Variants in PCSK2 observed in about 807,000 individuals in gnomAD.
PCSK2 encodes proprotein convertase subtilisin/kexin type 2.
PCSK2 carries 14 observed loss-of-function variants against 69.7 expected under a neutral mutation model. The ratio of observed to expected loss-of-function variants is 0.20; its 90% CI spans 0.13 to 0.31. PCSK2 has a LOEUF of 0.31. Ranked by LOEUF, PCSK2 falls within the 10% of genes least tolerant of loss-of-function variation. The pLI is 1.00. For missense variants in PCSK2, 544 were observed against 842.5 expected (o/e 0.65, Z 4.39); for synonymous variants, 307 against 320.7 (o/e 0.96, Z 0.46).
chr20:17,273,080 T>C (rs1265917576), intron 2 of PCSK2, among the ~76,000 whole-genome samples: 1 of 152,156 alleles, frequency 6.6e-6, no homozygotes, highest in Non-Finnish European at 1.5e-5. Context: ...TAATTGTTAA[T>C]TTCAAGGGTG....
chr20:17,440,225 G>A (rs767531794), intron 8 of PCSK2, among the ~76,000 whole-genome samples: 3 of 152,328 alleles, frequency 2.0e-5, no homozygotes, highest in Non-Finnish European at 2.9e-5. Context: ...CCACCTGGGA[G>A]AGTGAAAAAT....
chr20:17,287,355 C>T (rs1057465544), intron 2 of PCSK2, among the ~76,000 whole-genome samples: 1 of 151,754 alleles, frequency 6.6e-6, no homozygotes, highest in African/African-American at 2.4e-5. Context: ...GAGGAAAGCA[C>T]CGTGAAAAAT....
At chr20:17,458,712 TC>T (rs1568658964) in intron 10 of PCSK2, among the ~76,000 whole-genome samples, 1 of 152,032 alleles carries the variant, frequency 6.6e-6, no homozygotes, top group Admixed American at 6.5e-5. Context: ...GAACAACACT[TC>T]CCCCATCATG....
intron 5 of PCSK2, among the ~76,000 whole-genome samples, chr20:17,381,021 C>T (rs2031072614): frequency 6.6e-6 from 1 of 152,182 alleles, no homozygotes; most frequent in Admixed American, 6.5e-5. Flanking sequence ...GGTTGGCTCC[C>T]AGGAATCCTG....
At chr20:17,478,227 G>GT (rs911521889) in intron 11 of PCSK2, among the ~76,000 whole-genome samples, 10 of 151,788 alleles carry the variant, frequency 6.6e-5, no homozygotes, top group East Asian at 3.9e-4. Flanking sequence ...TAAAACAACT[G>GT]TTTTTTTTCC....
At chr20:17,260,779 C>G (rs1360198558) in intron 2 of PCSK2, among the ~76,000 whole-genome samples, 4 of 152,180 alleles carry the variant, frequency 2.6e-5, no homozygotes, top group African/African-American at 4.8e-5. Flanking sequence ...GAGAGCCAGT[C>G]AGTGAGCAGC....
chr20:17,320,202 C>T (rs1190014747), intron 2 of PCSK2, among the ~76,000 whole-genome samples: 1 of 152,194 alleles, frequency 6.6e-6, no homozygotes, highest in East Asian at 1.9e-4. Flanking sequence ...AACTGTCCTA[C>T]TGCAAAAGGT....
intron 2 of PCSK2, among the ~76,000 whole-genome samples, chr20:17,318,454 A>G (rs1989757584): frequency 2.0e-5 from 3 of 152,252 alleles, no homozygotes; most frequent in African/African-American, 7.2e-5. Context: ...ATCATTTCAT[A>G]TAGATGAAAA....
At chr20:17,328,565 G>A (rs1281949749) in intron 2 of PCSK2, among the ~76,000 whole-genome samples, 2 of 151,984 alleles carry the variant, frequency 1.3e-5, no homozygotes, top group Admixed American at 6.6e-5. Flanking sequence ...ATTACCTGCA[G>A]CTTTAAATGA....
At chr20:17,439,062 T>C (rs1386795591) in intron 8 of PCSK2, among the ~76,000 whole-genome samples, 1 of 152,180 alleles carries the variant, frequency 6.6e-6, no homozygotes, top group Non-Finnish European at 1.5e-5. Context: ...TTTCCCTTTT[T>C]CCTTTGGCTG....
chr20:17,285,296 T>A (rs1405371131), intron 2 of PCSK2, among the ~76,000 whole-genome samples: 1 of 152,222 alleles, frequency 6.6e-6, no homozygotes, highest in African/African-American at 2.4e-5. Flanking sequence ...AACTGATTAG[T>A]TAACATCAAG....
intron 2 of PCSK2, among the ~76,000 whole-genome samples, chr20:17,284,515 A>G (rs2123052718): frequency 6.6e-6 from 1 of 152,338 alleles, no homozygotes; most frequent in South Asian, 2.1e-4. Flanking sequence ...AATTACAACA[A>G]ATTTAGTTTA....
rs528978901 is a variant in PCSK2 at position 17,353,326 on chromosome 20, G to A, written c.283-5001G>A. On this transcript the variant is annotated intron_variant, in intron 2 of 11. Transcript: ENST00000262545. The stretch of plus-strand genomic sequence containing the variant: ...AAATACAAAAAAAAATTAGCTGGGC[G>A]TGGTGGCACACGCCTATAGTCCCAG... 1.6e-3 allele frequency among the ~76,000 whole-genome samples: 246 copies of A among 152,138 alleles called. 4 individuals carry two copies. The highest frequency in any genetic ancestry group is 2.4e-4 in the Non-Finnish European group (16 of 67,992).
intron 9 of PCSK2, among the ~76,000 whole-genome samples, chr20:17,455,992 T>A (rs1271546483): frequency 6.6e-6 from 1 of 152,156 alleles, no homozygotes; most frequent in Admixed American, 6.5e-5. Flanking sequence ...ATGCCTGTAA[T>A]CCTTTGGAAG....
In PCSK2 at chr20:17,239,002, C is replaced by G. The variant is rs1609654; in HGVS notation, c.177+11520C>G. On this transcript the variant is annotated intron_variant, in intron 1 of 11. Transcript: ENST00000262545. ...TTCACTGCACACCCAGCCGATGTCT[C>G]ATGAGATGGTGCAATCAGGAAAACC... Among the ~76,000 whole-genome samples the G allele has an allele frequency of 7.4e-3, 1,128 of 152,294 alleles. 3 individuals carry two copies. Among genetic ancestry groups the G allele is most frequent in the East Asian group, 0.016 (84 of 5,176 alleles).
Position 17,347,954 on chromosome 20 carries a change from A to AAG in PCSK2, c.283-10371_283-10370dup, listed in dbSNP as rs1327184585. Among the ~76,000 whole-genome samples the AAG allele has an allele frequency of 1.1e-3, 56 of 51,374 alleles. 2 individuals are homozygous for AAG. Among genetic ancestry groups the AAG allele is most frequent in the African/African-American group, 2.6e-3 (48 of 18,704 alleles). 33.7% of individuals were successfully genotyped at this position (51,374 alleles called of 152,430 possible). A position where few individuals can be genotyped will look rare whatever the true frequency, so the allele number is the denominator to read the frequency against. On this transcript the variant is annotated intron_variant, in intron 2 of 11. Coordinates refer to ENST00000262545, the MANE Select transcript of PCSK2 (RefSeq NM_002594.5). The stretch of plus-strand genomic sequence containing the variant: ...AAAAAGAGAAAGAAAGAAAGAAAGA[A>AAG]AGAAAGAGAAAGAAAGAAAGAAAGA...
intron 2 of PCSK2, among the ~76,000 whole-genome samples, chr20:17,348,055 GAAA>G (rs1568612673): frequency 8.1e-4 from 35 of 43,200 alleles, no homozygotes; most frequent in African/African-American, 2.2e-3. Context: ...AGAAAGGAAA[GAAA>G]GAAAGAAAGA....
intron 2 of PCSK2, among the ~76,000 whole-genome samples, chr20:17,305,832 T>C (rs1038906748): frequency 1.3e-5 from 2 of 152,250 alleles, no homozygotes; most frequent in Admixed American, 1.3e-4. Context: ...ATTCACTGAA[T>C]AGGTAATTAA....
intron 6 of PCSK2, among the ~76,000 whole-genome samples, chr20:17,418,403 A>G (rs2032048428): frequency 6.6e-6 from 1 of 152,168 alleles, no homozygotes; most frequent in African/African-American, 2.4e-5. Context: ...AATCTGGACA[A>G]AGATAGGCTG....
Sources: gnomAD v4.1 joint callset for allele counts (sites outside exome capture counted in the v4.1 genomes callset) on GRCh38, gnomAD v4.1.1 for gene constraint, MANE v1.5 for transcripts, NCBI Gene and HGNC (gene_info 2026-07-23, HGNC 2026-07-21) for gene names.